LRRC8C: variants seen among roughly 807,000 people sequenced by gnomAD.
LRRC8C encodes leucine rich repeat containing 8 VRAC subunit C.
LRRC8C carries 20 observed loss-of-function variants against 55.3 expected under a neutral mutation model. The observed-to-expected ratio is 0.36, with a 90% CI of 0.25 to 0.53. The LOEUF is 0.53. LRRC8C is among the 20% of genes least tolerant of loss of function. LRRC8C has a pLI of 0.92. For missense variants in LRRC8C, 659 were observed against 951.4 expected (o/e 0.69, Z 4.04); for synonymous variants, 376 against 360.7 (o/e 1.04, Z -0.48).
intron 2 of LRRC8C, among the ~76,000 whole-genome samples, chr1:89,710,081 T>C (rs569045860): frequency 6.6e-6 from 1 of 152,308 alleles, no homozygotes; most frequent in Non-Finnish European, 1.5e-5. Flanking sequence ...AACAATATCG[T>C]ATTAACAATA....
At chr1:89,661,876 A>G (rs1014606062) in intron 1 of LRRC8C, among the ~76,000 whole-genome samples, 1 of 133,016 alleles carries the variant, frequency 7.5e-6, no homozygotes, top group Non-Finnish European at 1.7e-5. Flanking sequence ...GAAGGCTTGG[A>G]CCAGAGGAGT....
intron 1 of LRRC8C, among the ~76,000 whole-genome samples, chr1:89,672,541 C>T (rs1657451046): frequency 6.6e-6 from 1 of 152,194 alleles, no homozygotes; most frequent in Non-Finnish European, 1.5e-5. Flanking sequence ...TTCAAAGACA[C>T]CGCATCTGTC....
chr1:89,645,966 T>TAGATAGATAGATAGATAGAC (rs1656602325), intron 1 of LRRC8C, among the ~76,000 whole-genome samples: 3 of 151,926 alleles, frequency 2.0e-5, no homozygotes, highest in Admixed American at 2.0e-4. Context: ...ATCAGATAGA[T>TAGATAGATAGATAGATAGAC]AGATAGATAG....
rs1013270408 is a variant in LRRC8C at position 89,633,625 on chromosome 1, G to C, written c.-5+303G>C. ...CGCAGCGGCAGGTCCTGCAGACTGG[G>C]CGCGGGGGTGGGGGGGCGGTCCGCG... is the stretch of plus-strand genomic sequence containing the variant. On this transcript the variant is annotated intron_variant, in intron 1 of 2. Coordinates refer to ENST00000370454, the MANE Select transcript of LRRC8C (RefSeq NM_032270.5). 5.6e-4 allele frequency among the ~76,000 whole-genome samples: 85 copies of C among 151,092 alleles called. No individual in the cohort carries two copies. The Middle Eastern group carries it at 0.01, about 18-fold the overall frequency.
chr1:89,709,753 T>G (rs944908196), intron 2 of LRRC8C, among the ~76,000 whole-genome samples: 1 of 128,364 alleles, frequency 7.8e-6, no homozygotes, highest in Non-Finnish European at 1.7e-5. Flanking sequence ...TTTTTTTTGT[T>G]TGTTTTTTTT....
chr1:89,649,319 T>A (rs1350340172), intron 1 of LRRC8C, among the ~76,000 whole-genome samples: 2 of 152,212 alleles, frequency 1.3e-5, no homozygotes, highest in African/African-American at 4.8e-5. Flanking sequence ...TGCAAAGTAC[T>A]ATTAAAGCAC....
chr1:89,646,094 A>G (rs1656607310), intron 1 of LRRC8C, among the ~76,000 whole-genome samples: 4 of 152,122 alleles, frequency 2.6e-5, no homozygotes, highest in Admixed American at 2.6e-4. Context: ...AGAAAGAAAT[A>G]CTAGATTTAA....
intron 2 of LRRC8C, among the ~76,000 whole-genome samples, chr1:89,699,193 C>T (rs1658252151): frequency 1.3e-5 from 2 of 152,050 alleles, no homozygotes; most frequent in Non-Finnish European, 1.5e-5. Flanking sequence ...AAACTACAGA[C>T]AGTAAAATAT....
intron 1 of LRRC8C, among the ~76,000 whole-genome samples, chr1:89,639,242 C>T (rs1365149047): frequency 6.6e-6 from 1 of 152,120 alleles, no homozygotes; most frequent in Non-Finnish European, 1.5e-5. Context: ...GCCTCAGCCT[C>T]CCCAAGTACT....
chr1:89,664,197 T>C (rs10922688), intron 1 of LRRC8C, among the ~76,000 whole-genome samples: 53,341 of 152,102 alleles, frequency 0.35, 9,333 homozygotes, highest in Admixed American at 0.38. Flanking sequence ...TTTGGTGTTT[T>C]AGTCATGAAG....
intron 2 of LRRC8C, among the ~76,000 whole-genome samples, chr1:89,687,544 A>AAGAT (rs1336895021): frequency 6.6e-6 from 1 of 152,196 alleles, no homozygotes; most frequent in African/African-American, 2.4e-5. Context: ...TGTGATGAGG[A>AAGAT]AGATAGTGTC....
chr1:89,693,831 A>AT (rs1431749360), intron 2 of LRRC8C, among the ~76,000 whole-genome samples: 1 of 151,228 alleles, frequency 6.6e-6, no homozygotes, highest in African/African-American at 2.4e-5. Context: ...TAATTTTTGT[A>AT]TTTTTAGTGG....
chr1:89,711,619 A>G (rs968383927), intron 2 of LRRC8C, among the ~76,000 whole-genome samples: 9 of 152,202 alleles, frequency 5.9e-5, no homozygotes, highest in African/African-American at 1.4e-4. Flanking sequence ...GGTTTATTCA[A>G]TGTGTATTCT....
rs998758372 is a variant in LRRC8C at position 89,717,894 on chromosome 1, A to C, written c.*2912A>C. On this transcript the variant is annotated 3_prime_UTR_variant, in exon 3 of 3. Coordinates refer to ENST00000370454, the MANE Select transcript of LRRC8C (RefSeq NM_032270.5). ...GAGAGATTGCTTGTGTAAATATAAA[A>C]GCACCATATGTGTTCTTAACTCCTA... is the stretch of plus-strand genomic sequence containing the variant. The C allele has an allele frequency of 1.3e-5, 2 of 152,218 alleles. No individual in the cohort carries two copies. The highest frequency in any genetic ancestry group is 4.8e-5 in the African/African-American group (2 of 41,464). The allele number at this position is 152,218 out of a possible 1,614,324, so 9.4% of individuals were successfully genotyped here.
At chr1:89,619,658 T>C in the LRRC8C span, among the ~76,000 whole-genome samples, 1 of 151,854 alleles carries the variant, frequency 6.6e-6, no homozygotes, top group Non-Finnish European at 1.5e-5. Flanking sequence ...CATTATACTA[T>C]ACATAATTAA....
chr1:89,704,981 T>C (rs1658434169), intron 2 of LRRC8C, among the ~76,000 whole-genome samples: 1 of 151,932 alleles, frequency 6.6e-6, no homozygotes, highest in African/African-American at 2.4e-5. Context: ...CACGTATGTT[T>C]ATTGTGGCAC....
Position 89,716,107 on chromosome 1 carries a change from G to A in LRRC8C, c.*1125G>A, listed in dbSNP as rs1221455883. On this transcript the variant is annotated 3_prime_UTR_variant, in exon 3 of 3. Transcript: ENST00000370454. The stretch of plus-strand genomic sequence containing the variant: ...CTGAATATGTACAGACTTTTTCCTT[G>A]TCATTATTCCCTAAACAATACAGCG... The A allele has an allele frequency of 6.6e-6, 1 of 152,098 alleles. No individual in the cohort carries two copies. The highest frequency in any genetic ancestry group is 1.5e-5 in the Non-Finnish European group (1 of 68,018). 9.4% of individuals were successfully genotyped at this position (152,098 alleles called of 1,614,324 possible).
At chr1:89,701,697 T>C (rs1658330827) in intron 2 of LRRC8C, among the ~76,000 whole-genome samples, 1 of 152,162 alleles carries the variant, frequency 6.6e-6, no homozygotes, top group South Asian at 2.1e-4. Context: ...TGTATTATGA[T>C]ACACACATCT....
chr1:89,629,549 G>A (rs1465094407), upstream of LRRC8C, among the ~76,000 whole-genome samples: 4 of 152,208 alleles, frequency 2.6e-5, no homozygotes, highest in African/African-American at 7.2e-5. Flanking sequence ...TTATTTATGA[G>A]CTAAAGGGTT....
Sources: allele counts gnomAD v4.1 joint callset (sites outside exome capture counted in the v4.1 genomes callset), GRCh38; gene constraint gnomAD v4.1.1; transcripts MANE v1.5; gene names NCBI Gene and HGNC (gene_info 2026-07-23, HGNC 2026-07-21).